EYA2: variants seen among roughly 807,000 people sequenced by gnomAD.
The protein encoded by EYA2 is protein phosphatase EYA2.
Under a neutral mutation model 69.2 loss-of-function variants are expected in EYA2, and 31 were observed. The ratio of observed to expected loss-of-function variants is 0.45; its 90% CI spans 0.34 to 0.60. The LOEUF (loss-of-function observed/expected upper bound fraction) is 0.60. EYA2 is among the 20% of genes least tolerant of loss of function. The pLI is 0.02. For missense variants in EYA2, 622 were observed against 701.2 expected, an observed-to-expected ratio of 0.89 and a Z score of 1.28; for synonymous variants, 257 against 279.4, an observed-to-expected ratio of 0.92 and a Z score of 0.80.
chr20:47,175,449 G>A (rs576981309), intron 12 of EYA2, among the ~76,000 whole-genome samples: 57 of 152,164 alleles, frequency 3.7e-4, no homozygotes, highest in South Asian at 6.2e-4. Context: ...TTTCCTCCTC[G>A]TGTGCAAAAT....
chr20:47,163,968 G>A (rs181450099), intron 10 of EYA2, among the ~76,000 whole-genome samples: 16 of 152,170 alleles, frequency 1.1e-4, no homozygotes, highest in African/African-American at 3.6e-4. Flanking sequence ...TCAAGGCCAC[G>A]GGAACCCTTC....
rs181108791 is a variant in EYA2, at chr20:46,971,513, G to C, written c.-10-18488G>C. Among the ~76,000 whole-genome samples, 6 of 152,314 alleles carry C rather than the reference G, an allele frequency of 3.9e-5. No individual in the cohort carries two copies. The East Asian group carries it at 1.2e-3, about 29-fold the overall frequency. On this transcript the variant is annotated intron_variant, in intron 1 of 15. Transcript: ENST00000327619. ...GACTGCGCTTAGTCACATGACCACAGCCTAACTGCAAGGGAACCTGGGAAA... is the reference window on the plus strand; with the variant it reads ...GACTGCGCTTAGTCACATGACCACACCCTAACTGCAAGGGAACCTGGGAAA...
Position 47,090,735 on chromosome 20 carries a change from C to G in EYA2, c.804+1354C>G, listed in dbSNP as rs1195259457. Among the ~76,000 whole-genome samples, 4 of 152,282 alleles carry G rather than the reference C, an allele frequency of 2.6e-5. No homozygotes were observed. The South Asian group carries it at 6.2e-4, about 24-fold the overall frequency. ...CTAATACAATATAACTTTGTTAACT[C>G]TAATTCTTGTGTTGCACATTAGATC... On this transcript the variant is annotated intron_variant, in intron 8 of 15. Coordinates refer to ENST00000327619, the MANE Select transcript of EYA2 (RefSeq NM_005244.5).
intron 10 of EYA2, among the ~76,000 whole-genome samples, chr20:47,148,642 C>T (rs79067603): frequency 4.1e-4 from 62 of 152,312 alleles, no homozygotes; most frequent in African/African-American, 1.4e-3. Context: ...TCCCCTGCTC[C>T]CTGCCACTTT....
intron 1 of EYA2, among the ~76,000 whole-genome samples, chr20:46,920,131 A>T (rs1218270872): frequency 6.6e-6 from 1 of 152,222 alleles, no homozygotes; most frequent in African/African-American, 2.4e-5. Flanking sequence ...GCAATGAAAA[A>T]ACTTTGAAAT....
chr20:47,026,280 A>G (rs1445312531), intron 5 of EYA2, among the ~76,000 whole-genome samples: 8 of 152,230 alleles, frequency 5.3e-5, no homozygotes, highest in Admixed American at 3.9e-4. Flanking sequence ...ATCCAAATGG[A>G]TTGACGGTTT....
chr20:47,168,497 A>G (rs769422541), intron 10 of EYA2, among the ~76,000 whole-genome samples: 13 of 152,058 alleles, frequency 8.5e-5, no homozygotes, highest in Non-Finnish European at 1.5e-4. Context: ...CCTCCACCCC[A>G]TGGTCTTGTC....
At position 47,122,944 on chromosome 20, in the gene EYA2, T is replaced by C. The variant is rs200883472; in HGVS notation, c.889-20115T>C. Among the ~76,000 whole-genome samples, 4 of 152,250 alleles carry C rather than the reference T, an allele frequency of 2.6e-5. No individual in the cohort carries two copies. In the East Asian group the frequency reaches 7.7e-4, roughly 29 times the overall value. On this transcript the variant is annotated intron_variant, in intron 9 of 15. Transcript: ENST00000327619. ...CCCCTGGTCTCAAGAGCCAGACTACTCAGATCCAAAGACAGCTCCACTTCC... is the reference window on the plus strand; with the variant it reads ...CCCCTGGTCTCAAGAGCCAGACTACCCAGATCCAAAGACAGCTCCACTTCC...
At chr20:47,049,940 G>A (rs2030243930) in intron 5 of EYA2, among the ~76,000 whole-genome samples, 1 of 150,844 alleles carries the variant, frequency 6.6e-6, no homozygotes, top group Non-Finnish European at 1.5e-5. Flanking sequence ...CATTTTGGCA[G>A]TTGTCCCTCA....
At chr20:47,121,455 C>G (rs1418199038) in intron 9 of EYA2, among the ~76,000 whole-genome samples, 2 of 152,106 alleles carry the variant, frequency 1.3e-5, no homozygotes, top group Non-Finnish European at 2.9e-5. Flanking sequence ...AGTTTATGGT[C>G]TTCAAGGAAT....
chr20:47,063,357 T>A (rs1409279950), intron 5 of EYA2, among the ~76,000 whole-genome samples: 1 of 151,224 alleles, frequency 6.6e-6, no homozygotes, highest in South Asian at 2.1e-4. Context: ...TTTGGCATAA[T>A]GTTTTTTGGG....
chr20:47,040,726 T>A (rs1327035946), intron 5 of EYA2, among the ~76,000 whole-genome samples: 1 of 152,140 alleles, frequency 6.6e-6, no homozygotes, highest in African/African-American at 2.4e-5. Context: ...GTCACACAGG[T>A]AAGAAGCTTG....
At chr20:47,124,244 C>T (rs1458425163) in intron 9 of EYA2, among the ~76,000 whole-genome samples, 1 of 152,052 alleles carries the variant, frequency 6.6e-6, no homozygotes, top group African/African-American at 2.4e-5. Flanking sequence ...AGGGTTACAC[C>T]CTTATCTGGT....
At chr20:47,147,054 C>CTTTTTTT (rs57767869) in intron 10 of EYA2, among the ~76,000 whole-genome samples, 2 of 112,902 alleles carry the variant, frequency 1.8e-5, no homozygotes, top group Non-Finnish European at 3.5e-5. Flanking sequence ...GCTCCTCTGA[C>CTTTTTTT]TTTTTTTTTT....
chr20:46,981,685 A>G (rs897310501), intron 1 of EYA2, among the ~76,000 whole-genome samples: 9 of 152,188 alleles, frequency 5.9e-5, no homozygotes, highest in Non-Finnish European at 1.0e-4. Flanking sequence ...TTATTTTATC[A>G]TTATTGTATG....
At chr20:47,026,645 A>C (rs1284897300) in intron 5 of EYA2, among the ~76,000 whole-genome samples, 2 of 152,246 alleles carry the variant, frequency 1.3e-5, no homozygotes, top group African/African-American at 4.8e-5. Flanking sequence ...GGTTCTTCTC[A>C]ATCAGGATTT....
At chr20:47,016,141 T>A (rs781655445) in intron 4 of EYA2, 40 bp from the exon 5 acceptor site, 3 of 1,443,788 alleles carry the variant, frequency 2.1e-6, no homozygotes, top group Admixed American at 3.3e-5. Context: ...ATCCTAATCA[T>A]GTGTCCTTGG....
intron 9 of EYA2, chr20:47,117,272 A>G (rs1204082224): frequency 3.1e-6 from 2 of 653,208 alleles, no homozygotes; most frequent in African/African-American, 4.0e-5. Context: ...GGCCTTCCAA[A>G]GTGCTGGGGT....
chr20:46,898,394 A>AACACACACAC lies in EYA2; in HGVS notation c.-11+3428_-11+3437dup, dbSNP rs3085766. 5.0e-3 allele frequency among the ~76,000 whole-genome samples: 737 copies of AACACACACAC among 146,546 alleles called. 3 individuals carry two copies. Among genetic ancestry groups the AACACACACAC allele is most frequent in the Middle Eastern group, 0.021 (6 of 282 alleles). On this transcript the variant is annotated intron_variant, in intron 1 of 15. Coordinates refer to ENST00000327619, the MANE Select transcript of EYA2 (RefSeq NM_005244.5). ...AAGAAAACACAGCCTGTTGACAGAA[A>AACACACACAC]ACACACACACACACACACACACACA... is the stretch of plus-strand genomic sequence containing the variant.
Sources: gnomAD v4.1 joint callset for allele counts (sites outside exome capture counted in the v4.1 genomes callset) on GRCh38, gnomAD v4.1.1 for gene constraint, MANE v1.5 for transcripts, NCBI Gene and HGNC (gene_info 2026-07-23, HGNC 2026-07-21) for gene names.